PAX7: variants seen among roughly 807,000 people sequenced by gnomAD.
PAX7 encodes paired box protein Pax-7.
PAX7 carries 18 observed loss-of-function variants against 50.7 expected under a neutral mutation model. The observed-to-expected ratio is 0.36, with a 90% CI of 0.25 to 0.53. The LOEUF is 0.53. PAX7 is among the 20% of genes least tolerant of loss of function. PAX7 has a pLI of 0.93. For synonymous variants in PAX7, 310 were observed against 290.4 expected, an observed-to-expected ratio of 1.07 and a Z score of -0.69; for missense variants, 644 against 702.9, an observed-to-expected ratio of 0.92 and a Z score of 0.95.
intron 4 of PAX7, among the ~76,000 whole-genome samples, chr1:18,642,402 G>A (rs2088269884): frequency 6.6e-6 from 1 of 152,164 alleles, no homozygotes; most frequent in African/African-American, 2.4e-5. Context: ...CCTGGTTGAG[G>A]GAAGGGTTCC....
At chr1:18,706,525 G>C (rs189870372) in intron 7 of PAX7, among the ~76,000 whole-genome samples, 1 of 144,502 alleles carries the variant, frequency 6.9e-6, no homozygotes, top group Non-Finnish European at 1.5e-5. Context: ...GCAGTGGCGC[G>C]ATCTTGGCTG....
rs1447737837 is a variant in PAX7, at chr1:18,634,405, C to T, written c.188C>T (p.Ala63Val). The change falls in exon 2 of 9, where the codon GCC becomes GTC. Residue 63 changes from alanine to valine, a missense_variant. Coordinates refer to ENST00000420770, the MANE Select transcript of PAX7 (RefSeq NM_001135254.2). This position sits in a 1 kb window ranked among gnomAD's most constrained non-coding sequence, Gnocchi z 4.0. ...NHIRHKIVEM[A>V]HHGIRPCVIS... ...ATCCGCCACAAGATAGTGGAGATGGCCCACCATGGCATCCGGCCCTGTGTC... is the reference window on the plus strand; with the variant it reads ...ATCCGCCACAAGATAGTGGAGATGGTCCACCATGGCATCCGGCCCTGTGTC... The T allele has an allele frequency of 6.2e-7, 1 of 1,614,186 alleles. No homozygotes were observed. Among genetic ancestry groups the T allele is most frequent in the Non-Finnish European group, 8.5e-7 (1 of 1,180,040 alleles).
chr1:18,664,226 G>C (rs1199819303), intron 4 of PAX7, among the ~76,000 whole-genome samples: 1 of 152,182 alleles, frequency 6.6e-6, no homozygotes, highest in African/African-American at 2.4e-5. Flanking sequence ...CTTGCCCAAG[G>C]TCACACAGCT....
At chr1:18,709,900 C>T (rs17352309) in intron 7 of PAX7, among the ~76,000 whole-genome samples, 5,831 of 152,250 alleles carry the variant, frequency 0.038, 149 homozygotes, top group Middle Eastern at 0.078. Context: ...GGTTCAGAGT[C>T]GCTGTCCCCA....
rs556784585 is a variant in PAX7 at position 18,652,160 on chromosome 1, G to T, written c.586+15789G>T. Among the ~76,000 whole-genome samples the T allele has an allele frequency of 3.3e-5, 5 of 152,050 alleles. No homozygotes were observed. The South Asian group carries it at 1.0e-3, about 32-fold the overall frequency. On this transcript the variant is annotated intron_variant, in intron 4 of 8. Transcript: ENST00000420770. ...ATCACATTCCAGAGTGGGGTAGTGG[G>T]GGTGTGCAGAGCCGGTAGAGGGTGG...
At chr1:18,683,300 C>A (rs898467954) in intron 4 of PAX7, among the ~76,000 whole-genome samples, 2 of 152,188 alleles carry the variant, frequency 1.3e-5, no homozygotes, top group African/African-American at 4.8e-5. Flanking sequence ...CCCAGAGCAC[C>A]GAGGAAGGCT....
chr1:18,702,888 T>C (rs1420651304), intron 6 of PAX7, among the ~76,000 whole-genome samples: 1 of 152,154 alleles, frequency 6.6e-6, no homozygotes, highest in Non-Finnish European at 1.5e-5. Context: ...GTCTAGAATG[T>C]TGGGTTGTCA....
chr1:18,718,816 A>C (rs1337290790), intron 7 of PAX7, among the ~76,000 whole-genome samples: 2 of 151,616 alleles, frequency 1.3e-5, no homozygotes, highest in African/African-American at 4.9e-5. Context: ...TAATTTTTGC[A>C]TTTTTAGTAG....
At chr1:18,721,734 T>G (rs1408392916) in intron 7 of PAX7, among the ~76,000 whole-genome samples, 1 of 152,156 alleles carries the variant, frequency 6.6e-6, no homozygotes, top group Non-Finnish European at 1.5e-5. Context: ...CCGTCAGTGA[T>G]GCGGGGAGGA....
In PAX7 at chr1:18,747,213, T is replaced by C. The variant is rs2100425473; in HGVS notation, c.*2284T>C. ...AGGAGCAGGGATCTCAGGCAGCTGATATCAAAACCACCCAGCCCCATCCCC... is the reference window on the plus strand; with the variant it reads ...AGGAGCAGGGATCTCAGGCAGCTGACATCAAAACCACCCAGCCCCATCCCC... On this transcript the variant is annotated 3_prime_UTR_variant, in exon 9 of 9. Coordinates refer to ENST00000420770, the MANE Select transcript of PAX7 (RefSeq NM_001135254.2). 1 of 230,484 alleles carries C rather than the reference T, an allele frequency of 4.3e-6. No homozygotes were observed. The highest frequency in any genetic ancestry group is 8.6e-6 in the Non-Finnish European group (1 of 116,406). The allele number at this position is 230,484 out of a possible 1,614,324, so 14.3% of individuals were successfully genotyped here.
Position 18,638,748 on chromosome 1 carries a change from G to A in PAX7, c.586+2377G>A, listed in dbSNP as rs76664122. ...AATATGATGGTGCAGATGAGAGAGG[G>A]CCATCTATCCATCTGTGAGCAAATT... On this transcript the variant is annotated intron_variant, in intron 4 of 8. Transcript: ENST00000420770. 3.3e-5 allele frequency among the ~76,000 whole-genome samples: 5 copies of A among 152,218 alleles called. No homozygotes were observed. The East Asian group carries it at 7.7e-4, about 24-fold the overall frequency.
At chr1:18,681,598 G>A (rs1197299445) in intron 4 of PAX7, among the ~76,000 whole-genome samples, 1 of 152,166 alleles carries the variant, frequency 6.6e-6, no homozygotes, top group Non-Finnish European at 1.5e-5. Context: ...ACAGTACCAT[G>A]CTGCTAGCAG....
At position 18,700,616 on chromosome 1, in the gene PAX7, G is replaced by T. The variant is rs1338497674; in HGVS notation, c.787-37G>T. 6.7e-7 allele frequency: 1 copy of T among 1,484,794 alleles called. No homozygotes were observed. Among genetic ancestry groups the T allele is most frequent in the East Asian group, 2.6e-5 (1 of 38,662 alleles). The allele number at this position is 1,484,794 out of a possible 1,614,324, so 92.0% of individuals were successfully genotyped here. ...GTTGCAGCTCTCTGCCAGGAACCTG[G>T]CCGAGGGGTCTCCATTCTCTGCTCT... On this transcript the variant is annotated intron_variant, in intron 5 of 8. Coordinates refer to ENST00000420770, the MANE Select transcript of PAX7 (RefSeq NM_001135254.2). This position sits in a 1 kb window ranked among gnomAD's most constrained non-coding sequence, Gnocchi z 4.8.
At position 18,712,899 on chromosome 1, in the gene PAX7, T is replaced by C. The variant is rs903582371; in HGVS notation, c.1155+9603T>C. On this transcript the variant is annotated intron_variant, in intron 7 of 8. Transcript: ENST00000420770. ...GAGACTGAGACCAGCCTGGGCAACA[T>C]GGTGAAACCCCCCCTCTACTAAAAA... Among the ~76,000 whole-genome samples the C allele has an allele frequency of 3.9e-5, 6 of 151,922 alleles. No individual in the cohort carries two copies. In the East Asian group the frequency reaches 9.7e-4, roughly 25 times the overall value.
chr1:18,743,462 A>G (rs1360412869), intron 8 of PAX7, among the ~76,000 whole-genome samples: 1 of 152,242 alleles, frequency 6.6e-6, no homozygotes, highest in East Asian at 1.9e-4. Flanking sequence ...GGAAGCATGT[A>G]GAGTGCTACA....
intron 4 of PAX7, among the ~76,000 whole-genome samples, chr1:18,641,493 G>A (rs1345269434): frequency 6.6e-6 from 1 of 152,246 alleles, no homozygotes; most frequent in Non-Finnish European, 1.5e-5. Flanking sequence ...TTGGAACGCA[G>A]GCACGTCTGA....
intron 5 of PAX7, among the ~76,000 whole-genome samples, chr1:18,699,051 C>T (rs2089183885): frequency 6.6e-6 from 1 of 152,220 alleles, no homozygotes; most frequent in Non-Finnish European, 1.5e-5. Flanking sequence ...AGCCCCAGCC[C>T]CAGCAAAGGC....
chr1:18,678,324 AGGAGGC>A, intron 4 of PAX7, among the ~76,000 whole-genome samples: 2 of 152,196 alleles, frequency 1.3e-5, no homozygotes, highest in South Asian at 4.2e-4. Context: ...GCTTGAACCC[AGGAGGC>A]GGAGGTTGCA....
chr1:18,745,635 G>T lies in PAX7; in HGVS notation c.*706G>T, dbSNP rs1301007219. ...CAGGAAGAGGCTTAACCAGAGGGTA[G>T]GGGCACATGGGGGTGGGGCTTGTCA... On this transcript the variant is annotated 3_prime_UTR_variant, in exon 9 of 9. Transcript: ENST00000420770. The T allele has an allele frequency of 4.3e-6, 1 of 230,884 alleles. No individual in the cohort carries two copies. The highest frequency in any genetic ancestry group is 8.6e-6 in the Non-Finnish European group (1 of 116,682). The allele number at this position is 230,884 out of a possible 1,614,324, so 14.3% of individuals were successfully genotyped here.
Sources: gnomAD v4.1 joint callset for allele counts (sites outside exome capture counted in the v4.1 genomes callset) on GRCh38, gnomAD v4.1.1 for gene constraint, Gnocchi (gnomAD v3.1) non-coding constraint, MANE v1.5 for transcripts, NCBI Gene and HGNC (gene_info 2026-07-23, HGNC 2026-07-21) for gene names.